ST7: variants seen among roughly 807,000 people sequenced by gnomAD.
The protein encoded by ST7 is suppressor of tumorigenicity 7 protein.
A neutral mutation model predicts 78.7 loss-of-function variants in ST7; 28 were observed. The observed-to-expected ratio is 0.36, with a 90% CI of 0.26 to 0.49. The LOEUF (loss-of-function observed/expected upper bound fraction) is 0.49. Ranked by LOEUF, ST7 falls within the 20% of genes least tolerant of loss-of-function variation. ST7 has a pLI of 0.99. For missense variants in ST7, 418 were observed against 696.0 expected, an observed-to-expected ratio of 0.60 and a Z score of 4.49; for synonymous variants, 247 against 249.6, an observed-to-expected ratio of 0.99 and a Z score of 0.10.
chr7:116,998,272 C>T lies in ST7; in HGVS notation c.151+44581C>T, dbSNP rs761290787. Among the ~76,000 whole-genome samples, 6 of 152,176 alleles carry T rather than the reference C, an allele frequency of 3.9e-5. 1 individual carries two copies. The highest frequency in any genetic ancestry group is 1.2e-4 in the African/African-American group (5 of 41,438). ...GCCCCTCACTGCCCTGGGCCGGCAGCGCCGGCTGGCCACTCTGAGTGTGGG... is the reference window on the plus strand; with the variant it reads ...GCCCCTCACTGCCCTGGGCCGGCAGTGCCGGCTGGCCACTCTGAGTGTGGG... On this transcript the variant is annotated intron_variant, in intron 1 of 15. Coordinates refer to ENST00000323984, the MANE Select transcript of ST7 (RefSeq NM_001369598.1).
At chr7:117,208,713 A>G (rs1792005231) in intron 12 of ST7, among the ~76,000 whole-genome samples, 1 of 152,334 alleles carries the variant, frequency 6.6e-6, no homozygotes, top group South Asian at 2.1e-4. Context: ...ACTGTCTTTC[A>G]TAAACTTCCA....
intron 1 of ST7, among the ~76,000 whole-genome samples, chr7:117,033,547 C>T (rs1796718252): frequency 6.6e-6 from 1 of 151,956 alleles, no homozygotes; most frequent in African/African-American, 2.4e-5. Context: ...CCTCAGCCTC[C>T]TAAATAGCTA....
At chr7:117,220,373 A>G (rs1488818509) in intron 14 of ST7, among the ~76,000 whole-genome samples, 1 of 152,224 alleles carries the variant, frequency 6.6e-6, no homozygotes, top group Non-Finnish European at 1.5e-5. Flanking sequence ...TACCTCACAC[A>G]TTAGATTTGA....
intron 1 of ST7, among the ~76,000 whole-genome samples, chr7:117,047,859 C>T (rs1429150496): frequency 3.9e-5 from 6 of 152,074 alleles, no homozygotes; most frequent in African/African-American, 1.4e-4. Context: ...CTATGTTGTG[C>T]ACTATTAATA....
intron 2 of ST7, among the ~76,000 whole-genome samples, chr7:117,117,548 G>A (rs1289017866): frequency 1.3e-5 from 2 of 152,096 alleles, no homozygotes; most frequent in Non-Finnish European, 2.9e-5. Flanking sequence ...TCTATTGAGG[G>A]CCTTGTTGAG....
rs761322115 is a variant in ST7, at chr7:117,190,675, C to T, written c.1152-159C>T. Among the ~76,000 whole-genome samples, 3 of 152,140 alleles carry T rather than the reference C, an allele frequency of 2.0e-5. No individual in the cohort carries two copies. Among genetic ancestry groups the T allele is most frequent in the Non-Finnish European group, 2.9e-5 (2 of 68,014 alleles). The stretch of plus-strand genomic sequence containing the variant: ...CTTCTGCTGGGGTTTTTGCTGGCCT[C>T]GGTCCGTGGGGTCACTCAGAGGTTC... On this transcript the variant is annotated intron_variant, in intron 11 of 15. Transcript: ENST00000323984. This position sits in a 1 kb window ranked among gnomAD's most constrained non-coding sequence, Gnocchi z 5.2.
At chr7:117,170,760 C>A (rs201908046) in intron 9 of ST7, 102 bp from the exon 10 acceptor site, 2 of 359,956 alleles carry the variant, frequency 5.6e-6, no homozygotes, top group East Asian at 5.2e-5. Context: ...TATATATATC[C>A]AAACCGTGAT....
intron 12 of ST7, chr7:117,198,387 A>G: frequency 2.2e-6 from 1 of 451,514 alleles, no homozygotes; most frequent in Non-Finnish European, 4.5e-6. Context: ...CCCTAGCCTG[A>G]AGAAGGACAA....
intron 13 of ST7, among the ~76,000 whole-genome samples, chr7:117,212,282 A>G (rs1048283479): frequency 6.6e-6 from 1 of 152,208 alleles, no homozygotes; most frequent in African/African-American, 2.4e-5. Context: ...CAATTTTTCA[A>G]GAGAGGAAAC....
intron 1 of ST7, chr7:117,020,525 A>T (rs1224689494): frequency 1.3e-6 from 2 of 1,512,628 alleles, no homozygotes; most frequent in Admixed American, 2.0e-5. Flanking sequence ...TCACTCTCAC[A>T]TGTACACTCT....
At chr7:117,008,914 C>T (rs1482945646) in intron 1 of ST7, among the ~76,000 whole-genome samples, 1 of 151,928 alleles carries the variant, frequency 6.6e-6, no homozygotes, top group African/African-American at 2.4e-5. Context: ...GAAAAATTTT[C>T]AAAAGAATAC....
intron 9 of ST7, among the ~76,000 whole-genome samples, chr7:117,156,210 A>G (rs1350274418): frequency 7.2e-5 from 11 of 152,154 alleles, no homozygotes; most frequent in Non-Finnish European, 1.6e-4. Context: ...TTTTATGCCT[A>G]TTACTGTATC....
intron 1 of ST7, among the ~76,000 whole-genome samples, chr7:117,085,202 C>T (rs1239409437): frequency 2.0e-5 from 3 of 152,322 alleles, no homozygotes; most frequent in East Asian, 1.9e-4. Context: ...AACATACTCT[C>T]CCCAATACTC....
At chr7:117,019,149 T>A (rs1355285305) in intron 1 of ST7, among the ~76,000 whole-genome samples, 1 of 152,198 alleles carries the variant, frequency 6.6e-6, no homozygotes, top group East Asian at 1.9e-4. Flanking sequence ...GCATATACCT[T>A]GGATGAATGG....
chr7:117,089,408 AG>A (rs1800410362), intron 1 of ST7, among the ~76,000 whole-genome samples: 1 of 152,222 alleles, frequency 6.6e-6, no homozygotes, highest in South Asian at 2.1e-4. Context: ...AGTTTGAAGC[AG>A]GTACACAACA....
chr7:117,099,524 A>G (rs1305548272), intron 1 of ST7, among the ~76,000 whole-genome samples: 1 of 152,186 alleles, frequency 6.6e-6, no homozygotes, highest in Non-Finnish European at 1.5e-5. Flanking sequence ...GGAGTTAGAA[A>G]TTACAAGTAC....
chr7:117,048,013 A>G (rs1797579647), intron 1 of ST7, among the ~76,000 whole-genome samples: 1 of 152,250 alleles, frequency 6.6e-6, no homozygotes, highest in South Asian at 2.1e-4. Context: ...TAAATGGTCA[A>G]TCAACGCATA....
At chr7:117,025,998 GA>G (rs549083419) in intron 1 of ST7, among the ~76,000 whole-genome samples, 1 of 151,800 alleles carries the variant, frequency 6.6e-6, no homozygotes, top group Non-Finnish European at 1.5e-5. Flanking sequence ...AGTTTGTTCA[GA>G]AAAAAAATTA....
chr7:116,986,648 G>A (rs1221088557), intron 1 of ST7, among the ~76,000 whole-genome samples: 1 of 152,190 alleles, frequency 6.6e-6, no homozygotes, highest in Non-Finnish European at 1.5e-5. Flanking sequence ...GAAGGCTAGT[G>A]TGAGGGAAAA....
Sources: allele counts gnomAD v4.1 joint callset (sites outside exome capture counted in the v4.1 genomes callset), GRCh38; gene constraint gnomAD v4.1.1; non-coding constraint Gnocchi (gnomAD v3.1); transcripts MANE v1.5; gene names NCBI Gene and HGNC (gene_info 2026-07-23, HGNC 2026-07-21).